POLRMT: variants seen among roughly 807,000 people sequenced by gnomAD.
The protein encoded by POLRMT is RNA polymerase mitochondrial, also known as DNA-directed RNA polymerase, mitochondrial.
In POLRMT, 114 loss-of-function variants were observed where a neutral mutation model predicts 132.2. The ratio of observed to expected loss-of-function variants is 0.86; its 90% CI spans 0.74 to 1.01. POLRMT has a LOEUF of 1.01. POLRMT is among the 50% of genes least tolerant of loss of function. The pLI is 0.00. For missense variants in POLRMT, 2,003 were observed against 1,729.1 expected (o/e 1.16, Z -2.81); for synonymous variants, 1,020 against 773.4 (o/e 1.32, Z -5.29).
chr19:626,808 C>A (rs553553699), intron 3 of POLRMT, among the ~76,000 whole-genome samples: 1 of 151,156 alleles, frequency 6.6e-6, no homozygotes, highest in Admixed American at 6.6e-5. Flanking sequence ...TGCGGTAAGC[C>A]GGGATCTCAC....
chr19:624,496 T>C (rs573304664), intron 5 of POLRMT, among the ~76,000 whole-genome samples: 15 of 152,122 alleles, frequency 9.9e-5, no homozygotes, highest in African/African-American at 3.6e-4. Flanking sequence ...ACCCTCTCTC[T>C]GCGGCCCCCG....
chr19:626,832 C>G (rs1267526703), intron 3 of POLRMT, among the ~76,000 whole-genome samples: 1 of 150,786 alleles, frequency 6.6e-6, no homozygotes. Flanking sequence ...TGCACTCCAG[C>G]CTGGGAGACA....
In POLRMT at chr19:620,096, C is replaced by T. The variant is rs1046655910; in HGVS notation, c.2764-16G>A. On this transcript the variant is annotated splice_polypyrimidine_tract_variant and intron_variant, in intron 11 of 20. Coordinates refer to ENST00000588649, the MANE Select transcript of POLRMT (RefSeq NM_005035.4). ...AAGAGCCGTCCTGAGGAAGGGGCGG[C>T]AAACGGGAGATGGAAGCTAGAGAGG... is the stretch of plus-strand genomic sequence containing the variant. 2 of 1,536,362 alleles carry T rather than the reference C, an allele frequency of 1.3e-6. No homozygotes were observed. The highest frequency in any genetic ancestry group is 2.7e-5 in the African/African-American group (2 of 73,210).
At chr19:632,602 G>A (rs1047768122) in intron 2 of POLRMT, among the ~76,000 whole-genome samples, 2 of 152,048 alleles carry the variant, frequency 1.3e-5, no homozygotes, top group African/African-American at 2.4e-5. Flanking sequence ...GGGAGCACCT[G>A]GTGGGGTTCT....
chr19:625,195 C>G lies in POLRMT; in HGVS notation c.882G>C (p.Pro294=), dbSNP rs746761065. Residue 294 remains proline, a synonymous_variant, in exon 4 of 21, where the codon CCG becomes CCC. Transcript: ENST00000588649. Reference sequence around the variant, plus strand: ...GGGCAGCCGCATAGGACAGCAGGTCCGGAGTCAAGCCGGCATCCTTCACCA... The same window carrying G: ...GGGCAGCCGCATAGGACAGCAGGTCGGGAGTCAAGCCGGCATCCTTCACCA... ...LFMVKDAGLT[P]DLLSYAAALQ... 5 of 1,613,912 alleles carry G rather than the reference C, an allele frequency of 3.1e-6. No individual in the cohort carries two copies. The highest frequency in any genetic ancestry group is 4.2e-6 in the Non-Finnish European group (5 of 1,179,980).
Position 623,504 on chromosome 19 carries a change from C to G in POLRMT, c.1240G>C (p.Val414Leu). 2.5e-6 allele frequency: 4 copies of G among 1,613,282 alleles called. No individual in the cohort carries two copies. The highest frequency in any genetic ancestry group is 3.4e-6 in the Non-Finnish European group (4 of 1,180,006). Residue 414 changes from valine (V) to leucine (L), a missense_variant, in exon 6 of 21, where the codon GTG becomes CTG. Coordinates refer to ENST00000588649, the MANE Select transcript of POLRMT (RefSeq NM_005035.4). ...LHMELASRVC[V>L]VSVEKPTLPS... ...AACGTGGGCTTCTCCACGGACACCACGCACACCCTGCTGGCCAGCTCCATG... is the reference window on the plus strand; with the variant it reads ...AACGTGGGCTTCTCCACGGACACCAGGCACACCCTGCTGGCCAGCTCCATG...
chr19:626,118 T>C (rs555936373), intron 3 of POLRMT, among the ~76,000 whole-genome samples: 1 of 152,274 alleles, frequency 6.6e-6, no homozygotes, highest in South Asian at 2.1e-4. Context: ...CCAAGTGTTT[T>C]CGAACTTCAT....
rs747452601 is a variant in POLRMT, at chr19:621,123, T to TA, written c.2574_2575insT (p.Lys859Ter). 6 of 1,610,374 alleles carry TA rather than the reference T, an allele frequency of 3.7e-6. No individual in the cohort carries two copies. The Admixed American group carries it at 6.7e-5, about 18-fold the overall frequency. ...ACCTCCTCCGCAAAGGCCAGGCGCT[T>TA]CCGCAGCGGCTCCCGCTTCTTCAAC... On this transcript the variant is annotated frameshift_variant, in exon 10 of 21. Coordinates refer to ENST00000588649, the MANE Select transcript of POLRMT (RefSeq NM_005035.4). LOFTEE classifies it high-confidence loss of function.
intron 11 of POLRMT, 100 bp from the exon 12 acceptor site, chr19:620,180 C>T (rs905483602): frequency 2.7e-6 from 4 of 1,489,306 alleles, no homozygotes; most frequent in African/African-American, 1.4e-5. Flanking sequence ...GGGCCGTGCA[C>T]CCCCCAGCCA....
chr19:618,619 C>G, intron 16 of POLRMT, 33 bp from the exon 17 acceptor site: 1 of 1,600,136 alleles, frequency 6.2e-7, no homozygotes, highest in South Asian at 1.1e-5. Flanking sequence ...TGGGGGCGGC[C>G]CAGGGACACC....
In POLRMT at chr19:626,696, C is replaced by CAAA. The variant is rs59746130; in HGVS notation, c.823-1445_823-1443dup. Among the ~76,000 whole-genome samples, 100 of 105,020 alleles carry CAAA rather than the reference C, an allele frequency of 9.5e-4. 7 individuals carry two copies. Among genetic ancestry groups the CAAA allele is most frequent in the South Asian group, 3.3e-3 (10 of 3,048 alleles). The allele number at this position is 105,020 out of a possible 152,430, so 68.9% of individuals were successfully genotyped here. On this transcript the variant is annotated intron_variant, in intron 3 of 20. Transcript: ENST00000588649. Reference sequence around the variant, plus strand: ...GCCTGTGCTCCCTCCACTAAAAATACAAAAAAAAAAAAAAATTAGCTGGGC... The same window carrying CAAA: ...GCCTGTGCTCCCTCCACTAAAAATACAAAAAAAAAAAAAAAAAATTAGCTGGGC...
At position 631,348 on chromosome 19, in the gene POLRMT, G is replaced by C. The variant is rs145239472; in HGVS notation, c.194-1180C>G. On this transcript the variant is annotated intron_variant, in intron 2 of 20. Coordinates refer to ENST00000588649, the MANE Select transcript of POLRMT (RefSeq NM_005035.4). ...GTCTCAAAAAAAAAAAGGGGGGGGGGGACCCAGGTGTCCAGATGTGGTGGC... is the reference window on the plus strand; with the variant it reads ...GTCTCAAAAAAAAAAAGGGGGGGGGCGACCCAGGTGTCCAGATGTGGTGGC... Among the ~76,000 whole-genome samples the C allele has an allele frequency of 5.2e-3, 770 of 148,516 alleles. 7 individuals are homozygous for C. Among genetic ancestry groups the C allele is most frequent in the Non-Finnish European group, 7.3e-3 (491 of 66,910 alleles).
intron 4 of POLRMT, 26 bp downstream of exon 4, chr19:625,098 G>C: frequency 6.2e-7 from 1 of 1,604,854 alleles, no homozygotes; most frequent in Middle Eastern, 1.9e-4. Flanking sequence ...ATGGTGGGGG[G>C]TGGGGGCCCT....
At chr19:621,002 CGG>C (rs1376562127) in intron 10 of POLRMT, 54 bp downstream of exon 10, 358 of 815,686 alleles carry the variant, frequency 4.4e-4, no homozygotes, top group African/African-American at 1.4e-3. Context: ...GCGGGGGCGC[CGG>C]GGGAGGGCGC....
intron 13 of POLRMT, 43 bp from the exon 14 acceptor site, chr19:619,339 C>A: frequency 6.3e-7 from 1 of 1,574,884 alleles, no homozygotes; most frequent in East Asian, 2.2e-5. Flanking sequence ...AGGGGCTGGC[C>A]CGTTCACGCC....
Position 622,227 on chromosome 19 carries a change from G to A in POLRMT, c.1773C>T (p.Cys591=). Residue 591 remains cysteine, a synonymous_variant, in exon 9 of 21, where the codon TGC becomes TGT. Coordinates refer to ENST00000588649, the MANE Select transcript of POLRMT (RefSeq NM_005035.4). ...EMLVQATQMP[C]SLDKPHRSSR... ...AGGAACGATGCGGCTTGTCCAGGCT[G>A]CATGGCATCTGCGTAGCCTGCACCA... The A allele has an allele frequency of 7.7e-6, 12 of 1,563,392 alleles. No individual in the cohort carries two copies. Among genetic ancestry groups the A allele is most frequent in the Non-Finnish European group, 1.0e-5 (12 of 1,156,842 alleles).
At position 630,063 on chromosome 19, in the gene POLRMT, C is replaced by T. The variant is rs752546552; in HGVS notation, c.299G>A (p.Ser100Asn). 1.2e-6 allele frequency: 2 copies of T among 1,613,736 alleles called. No homozygotes were observed. The highest frequency in any genetic ancestry group is 2.7e-5 in the African/African-American group (2 of 74,942). The change falls in exon 3 of 21, where the codon AGC (serine) becomes AAC (asparagine). Residue 100 changes from serine to asparagine, a missense_variant. Transcript: ENST00000588649. ...CTGGACCTTCCTGGGTGGCTGGAGG[C>T]TACCATCTCCACTGCCACATTCTGG... ...RLPECGSGDG[S>N]LQPPRKVQMG...
chr19:622,520 G>T lies in POLRMT; in HGVS notation c.1626+62C>A, dbSNP rs1984694955. ...CTTGGGTGCAAACCCGGCTGCTCCA[G>T]GGAGGGAGAGCGCCCACCCACCACT... On this transcript the variant is annotated intron_variant, in intron 8 of 20. Transcript: ENST00000588649. 4 of 1,518,590 alleles carry T rather than the reference G, an allele frequency of 2.6e-6. No individual in the cohort carries two copies. The South Asian group carries it at 5.1e-5, about 19-fold the overall frequency. The allele number at this position is 1,518,590 out of a possible 1,614,324, so 94.1% of individuals were successfully genotyped here. A position where few individuals can be genotyped will look rare whatever the true frequency, so the allele number is the denominator to read the frequency against.
At chr19:618,809 G>A (rs751225296) in intron 15 of POLRMT, 49 bp from the exon 16 acceptor site, 6 of 1,541,976 alleles carry the variant, frequency 3.9e-6, no homozygotes, top group South Asian at 1.2e-5. Context: ...CCAGCACGGT[G>A]GTGGTACATT....
Sources: gnomAD v4.1 joint callset for allele counts (sites outside exome capture counted in the v4.1 genomes callset) on GRCh38, gnomAD v4.1.1 for gene constraint, MANE v1.5 for transcripts, NCBI Gene and HGNC (gene_info 2026-07-23, HGNC 2026-07-21) for gene names.